PIERCE2: variants seen among roughly 807,000 people sequenced by gnomAD.
The protein encoded by PIERCE2 is piercer of microtubule wall 2, also known as piercer of microtubule wall 2 protein.
chr15:55,410,481 C>G, the PIERCE2 span: 2 of 152,128 alleles, frequency 1.3e-5, no homozygotes, highest in Non-Finnish European at 2.9e-5. Context: ...GAAACACTAT[C>G]TCTACTAAAA....
the PIERCE2 span, among the ~76,000 whole-genome samples, chr15:55,415,348 C>T: frequency 4.6e-5 from 7 of 151,046 alleles, no homozygotes; most frequent in East Asian, 2.0e-4. Flanking sequence ...CCCATCTACT[C>T]GGGAGGCTGA....
the PIERCE2 span, among the ~76,000 whole-genome samples, chr15:55,409,061 T>C: frequency 6.6e-6 from 1 of 151,926 alleles, no homozygotes; most frequent in African/African-American, 2.4e-5. Flanking sequence ...ACTTTGTTAA[T>C]TGTATACTTA....
At chr15:55,414,736 G>A in the PIERCE2 span, among the ~76,000 whole-genome samples, 1 of 151,906 alleles carries the variant, frequency 6.6e-6, no homozygotes, top group Non-Finnish European at 1.5e-5. Flanking sequence ...AAATTAGCTG[G>A]GCATGGTGGC....
the PIERCE2 span, among the ~76,000 whole-genome samples, chr15:55,413,267 C>CAAA: frequency 3.2e-5 from 4 of 123,338 alleles, no homozygotes; most frequent in Non-Finnish European, 5.4e-5. Flanking sequence ...GACTCCGTCT[C>CAAA]AAAAAAAAAA....
At chr15:55,417,015 C>T in the PIERCE2 span, among the ~76,000 whole-genome samples, 1 of 139,710 alleles carries the variant, frequency 7.2e-6, no homozygotes, top group Non-Finnish European at 1.6e-5. Flanking sequence ...CATCTCCATG[C>T]TACCACCTAC....
chr15:55,408,844 G>C, the PIERCE2 span: 2 of 1,316,748 alleles, frequency 1.5e-6, no homozygotes, highest in Non-Finnish European at 2.1e-6. Context: ...AGTATAATTT[G>C]AGGCACCACC....
the PIERCE2 span, among the ~76,000 whole-genome samples, chr15:55,412,184 A>G: frequency 6.6e-6 from 1 of 152,030 alleles, no homozygotes; most frequent in Non-Finnish European, 1.5e-5. Context: ...CTCCACAACC[A>G]TAGGAACTAT....
the PIERCE2 span, chr15:55,418,279 GC>G: frequency 6.4e-7 from 1 of 1,551,852 alleles, no homozygotes; most frequent in South Asian, 1.2e-5. Flanking sequence ...CTGAACAACT[GC>G]CTCCTTGTGT....
the PIERCE2 span, among the ~76,000 whole-genome samples, chr15:55,417,525 T>A: frequency 6.6e-6 from 1 of 152,218 alleles, no homozygotes; most frequent in Admixed American, 6.6e-5. Flanking sequence ...ACCCTGGATG[T>A]TTATCTTGTT....
chr15:55,413,795 G>T, the PIERCE2 span, among the ~76,000 whole-genome samples: 4 of 150,884 alleles, frequency 2.7e-5, no homozygotes, highest in East Asian at 3.9e-4. Context: ...TTTTTATGGG[G>T]AAAGCATTTT....
chr15:55,418,296 C>G, the PIERCE2 span: 1 of 1,549,080 alleles, frequency 6.5e-7, no homozygotes, highest in Non-Finnish European at 8.7e-7. Context: ...TGTGTGAACC[C>G]TGGCAATCCT....
At chr15:55,416,315 T>C in the PIERCE2 span, among the ~76,000 whole-genome samples, 1 of 152,086 alleles carries the variant, frequency 6.6e-6, no homozygotes, top group Admixed American at 6.5e-5. Flanking sequence ...TTGTCCAGGA[T>C]GGTCTCAATC....
At chr15:55,418,406 G>A in the PIERCE2 span, 1 of 1,532,024 alleles carries the variant, frequency 6.5e-7, no homozygotes, top group Non-Finnish European at 8.8e-7. Flanking sequence ...TCATTATGGT[G>A]AATTTCTACC....
chr15:55,409,940 G>A, the PIERCE2 span, among the ~76,000 whole-genome samples: 2 of 152,200 alleles, frequency 1.3e-5, no homozygotes, highest in East Asian at 3.9e-4. Flanking sequence ...AAAAGTTGAT[G>A]ACATGTGGCA....
At chr15:55,418,214 A>T in the PIERCE2 span, 1 of 1,569,166 alleles carries the variant, frequency 6.4e-7, no homozygotes, top group Non-Finnish European at 8.6e-7. Context: ...TTATGTGTTT[A>T]TCTTTTAGGA....
At chr15:55,416,646 C>A in the PIERCE2 span, among the ~76,000 whole-genome samples, 15 of 152,008 alleles carry the variant, frequency 9.9e-5, no homozygotes, top group Non-Finnish European at 1.8e-4. Context: ...GTGAATTCTA[C>A]TTCCAAAATA....
At chr15:55,411,843 C>A in the PIERCE2 span, among the ~76,000 whole-genome samples, 1 of 152,040 alleles carries the variant, frequency 6.6e-6, no homozygotes, top group African/African-American at 2.4e-5. Context: ...ATGGCTTGAA[C>A]CCAGAAGGCG....
chr15:55,413,147 A>G, the PIERCE2 span, among the ~76,000 whole-genome samples: 1 of 152,096 alleles, frequency 6.6e-6, no homozygotes, highest in African/African-American at 2.4e-5. Context: ...TGGCGCCTGT[A>G]GTTCCAGCTA....
At chr15:55,414,393 T>A in the PIERCE2 span, among the ~76,000 whole-genome samples, 1 of 151,876 alleles carries the variant, frequency 6.6e-6, no homozygotes, top group Admixed American at 6.6e-5. Flanking sequence ...GTATTTTTAG[T>A]AGAGGCAGGG....
Sources: gnomAD v4.1 joint callset for allele counts (sites outside exome capture counted in the v4.1 genomes callset) on GRCh38, gnomAD v4.1.1 for gene constraint, MANE v1.5 for transcripts, NCBI Gene and HGNC (gene_info 2026-07-23, HGNC 2026-07-21) for gene names.